GRAMD4: variants seen among roughly 807,000 people sequenced by gnomAD.
The protein encoded by GRAMD4 is GRAM domain containing 4.
Under a neutral mutation model 83.9 loss-of-function variants are expected in GRAMD4, and 25 were observed. That is an observed-to-expected ratio of 0.30 (90% CI 0.22 to 0.42). GRAMD4 has a LOEUF of 0.42. Ranked by LOEUF, GRAMD4 falls within the 10% of genes least tolerant of loss-of-function variation. The pLI is 1.00. For synonymous variants in GRAMD4, 336 were observed against 320.9 expected (o/e 1.05, Z -0.50); for missense variants, 593 against 788.7 (o/e 0.75, Z 2.97).
chr22:46,652,185 G>C (rs1338329958), intron 3 of GRAMD4, among the ~76,000 whole-genome samples: 2 of 152,170 alleles, frequency 1.3e-5, no homozygotes, highest in African/African-American at 4.8e-5. Context: ...GATGGTTCTG[G>C]ATTATCTGGG....
At position 46,678,360 on chromosome 22, in the gene GRAMD4, C is replaced by A. The variant is rs550560834; in HGVS notation, c.*1109C>A. ...CGACATGCGACAGCGTTCCCTCCCCCGCGTGCCTAGCCGGTGCCGGTCCGG... is the reference window on the plus strand; with the variant it reads ...CGACATGCGACAGCGTTCCCTCCCCAGCGTGCCTAGCCGGTGCCGGTCCGG... On this transcript the variant is annotated 3_prime_UTR_variant, in exon 19 of 19. Transcript: ENST00000406902. The A allele has an allele frequency of 1.2e-5, 12 of 985,304 alleles. No individual in the cohort carries two copies. In the East Asian group the frequency reaches 4.5e-4, roughly 37 times the overall value. The allele number at this position is 985,304 out of a possible 1,614,324, so 61.0% of individuals were successfully genotyped here.
chr22:46,584,784 A>G (rs1341245854), intron 1 of GRAMD4, among the ~76,000 whole-genome samples: 1 of 152,234 alleles, frequency 6.6e-6, no homozygotes, highest in Non-Finnish European at 1.5e-5. Context: ...GTGCTTAGTC[A>G]GCCCGGCCCC....
At chr22:46,580,828 G>A (rs1003082199) in intron 1 of GRAMD4, among the ~76,000 whole-genome samples, 8 of 152,196 alleles carry the variant, frequency 5.3e-5, no homozygotes, top group South Asian at 2.1e-4. Flanking sequence ...TTAGCCGGGC[G>A]TGTTGGCGCA....
upstream of GRAMD4, among the ~76,000 whole-genome samples, chr22:46,615,957 A>G (rs1259825243): frequency 1.8e-4 from 11 of 60,192 alleles, no homozygotes; most frequent in African/African-American, 2.8e-4. Context: ...CCCATGTGTA[A>G]GTTCCCCCCT....
chr22:46,626,591 G>T (rs1378244587), intron 1 of GRAMD4, among the ~76,000 whole-genome samples, 160 bp from the exon 2 acceptor site: 1 of 146,258 alleles, frequency 6.8e-6, no homozygotes, highest in African/African-American at 2.8e-5. Flanking sequence ...GAGCTGGCTC[G>T]TGGGGCTTGG....
chr22:46,676,362 A>G (rs900612757), intron 17 of GRAMD4, among the ~76,000 whole-genome samples: 6 of 152,184 alleles, frequency 3.9e-5, no homozygotes, highest in Non-Finnish European at 7.4e-5. Flanking sequence ...GACCTTCCTC[A>G]GGCCAGCTGG....
intron 8 of GRAMD4, among the ~76,000 whole-genome samples, chr22:46,665,005 C>G (rs939955308): frequency 4.6e-5 from 7 of 152,250 alleles, no homozygotes; most frequent in Non-Finnish European, 1.0e-4. Context: ...CGGCTTCACC[C>G]TGGCCCTGGA....
upstream of GRAMD4, among the ~76,000 whole-genome samples, chr22:46,618,397 G>A (rs553118140): frequency 2.3e-4 from 35 of 152,296 alleles, no homozygotes; most frequent in African/African-American, 8.2e-4. The surrounding 1 kb of genome is among the most constrained non-coding windows in gnomAD (Gnocchi z 5.8). Flanking sequence ...GACAGCGGGC[G>A]GCGCCTAGGG....
chr22:46,668,450 C>T lies in GRAMD4; in HGVS notation c.931-239C>T, dbSNP rs563933465. Among the ~76,000 whole-genome samples the T allele has an allele frequency of 2.0e-5, 3 of 152,244 alleles. No individual in the cohort carries two copies. In the South Asian group the frequency reaches 6.2e-4, roughly 32 times the overall value. Reference sequence around the variant, plus strand: ...GGAGCTCCCCTCCCTCCCCACCGCCCCTGGCCAGGGTTGAACGCCCCTGGG... The same window carrying T: ...GGAGCTCCCCTCCCTCCCCACCGCCTCTGGCCAGGGTTGAACGCCCCTGGG... On this transcript the variant is annotated intron_variant, in intron 11 of 18. Transcript: ENST00000406902.
chr22:46,594,858 G>A lies in GRAMD4; in HGVS notation c.-50+17568G>A, dbSNP rs530289033. 1.4e-4 allele frequency among the ~76,000 whole-genome samples: 21 copies of A among 152,184 alleles called. No individual in the cohort carries two copies. The East Asian group carries it at 3.3e-3, about 24-fold the overall frequency. Reference sequence around the variant, plus strand: ...AGGGGCGCCCCACATGTTCTGAAGCGCTCTGGAGTGGCTCCAGCCCGGCCA... The same window carrying A: ...AGGGGCGCCCCACATGTTCTGAAGCACTCTGGAGTGGCTCCAGCCCGGCCA... On this transcript the variant is annotated intron_variant, in intron 1 of 1. Transcript: ENST00000431155.
At chr22:46,667,068 C>A (rs1026462918) in intron 10 of GRAMD4, among the ~76,000 whole-genome samples, 195 bp downstream of exon 10, 5 of 152,218 alleles carry the variant, frequency 3.3e-5, no homozygotes, top group South Asian at 2.1e-4. Context: ...GCTGCAAGCC[C>A]GGCCCCACAT....
chr22:46,679,670 A>G lies in GRAMD4; in HGVS notation c.*2419A>G. ...ACAAAAGGATTGTACTGTATTAAGA[A>G]CCGATGAAAAAAATTCTCCTGTAAC... On this transcript the variant is annotated 3_prime_UTR_variant, in exon 19 of 19. Transcript: ENST00000406902. 1 of 982,550 alleles carries G rather than the reference A, an allele frequency of 1.0e-6. No homozygotes were observed. Among genetic ancestry groups the G allele is most frequent in the Non-Finnish European group, 1.2e-6 (1 of 827,098 alleles). The allele number at this position is 982,550 out of a possible 1,614,324, so 60.9% of individuals were successfully genotyped here. A position where few individuals can be genotyped will look rare whatever the true frequency, so the allele number is the denominator to read the frequency against.
intron 2 of GRAMD4, among the ~76,000 whole-genome samples, chr22:46,630,805 G>T (rs2081759666): frequency 2.6e-5 from 4 of 152,252 alleles, no homozygotes; most frequent in Admixed American, 2.0e-4. Context: ...TTTGGTGGAA[G>T]TGCTGGACCG....
At chr22:46,663,732 A>G in intron 6 of GRAMD4, 106 bp from the exon 7 acceptor site, 1 of 1,088,706 alleles carries the variant, frequency 9.2e-7, no homozygotes, top group Non-Finnish European at 1.4e-6. Context: ...CAGGCTGTTG[A>G]GACGTCCTCC....
At chr22:46,674,102 G>T (rs2082557733) in intron 15 of GRAMD4, among the ~76,000 whole-genome samples, 1 of 152,246 alleles carries the variant, frequency 6.6e-6, no homozygotes, top group African/African-American at 2.4e-5. Flanking sequence ...CCAGGGCGAG[G>T]CCTCAGGGCC....
rs2081558905 is a variant in GRAMD4, at chr22:46,620,567, TAGGG to T, written c.-50+3_-50+6del. ...TGGATGTATCTGAGACAGACGGAGGTAGGGGGCAGGGGGCAGGGGGCAGGGGGAC... is the reference window on the plus strand; with the variant it reads ...TGGATGTATCTGAGACAGACGGAGGTGGCAGGGGGCAGGGGGCAGGGGGAC... On this transcript the variant is annotated splice_donor_5th_base_variant and intron_variant, in intron 1 of 18. Transcript: ENST00000406902. This position sits in a 1 kb window ranked among gnomAD's most constrained non-coding sequence, Gnocchi z 4.7. The T allele has an allele frequency of 8.6e-6, 1 of 115,874 alleles. No homozygotes were observed. Among genetic ancestry groups the T allele is most frequent in the Non-Finnish European group, 1.3e-5 (1 of 74,862 alleles). 7.2% of individuals were successfully genotyped at this position (115,874 alleles called of 1,614,324 possible).
chr22:46,681,837 G>A (rs1182242538), downstream of GRAMD4, among the ~76,000 whole-genome samples: 1 of 152,224 alleles, frequency 6.6e-6, no homozygotes, highest in African/African-American at 2.4e-5. Flanking sequence ...CAAAGTGAGT[G>A]ACGCTGGGAA....
At chr22:46,647,325 G>A (rs1462617748) in intron 3 of GRAMD4, among the ~76,000 whole-genome samples, 3 of 152,206 alleles carry the variant, frequency 2.0e-5, no homozygotes, top group Non-Finnish European at 4.4e-5. Flanking sequence ...CACCTCCATT[G>A]CCCCATGAAC....
intron 3 of GRAMD4, among the ~76,000 whole-genome samples, chr22:46,649,480 C>T (rs936307037): frequency 1.2e-4 from 19 of 152,220 alleles, no homozygotes; most frequent in African/African-American, 4.3e-4. Flanking sequence ...AAACCAGCTG[C>T]TCTGGGTGAA....
Sources: allele counts gnomAD v4.1 joint callset (sites outside exome capture counted in the v4.1 genomes callset), GRCh38; gene constraint gnomAD v4.1.1; non-coding constraint Gnocchi (gnomAD v3.1); transcripts MANE v1.5; gene names NCBI Gene and HGNC (gene_info 2026-07-23, HGNC 2026-07-21).